FGF13: variants seen among roughly 807,000 people sequenced by gnomAD.
FGF13 encodes the protein fibroblast growth factor 13.
A neutral mutation model predicts 19.5 loss-of-function variants in FGF13; 2 were observed. The observed-to-expected ratio is 0.10, with a 90% CI of 0.04 to 0.32. FGF13 has a LOEUF of 0.32. FGF13 is among the 10% of genes least tolerant of loss of function. The pLI, the probability that FGF13 is intolerant of heterozygous loss-of-function variation, is 1.00. For missense variants in FGF13, 113 were observed against 192.7 expected (o/e 0.59, Z 2.45); for synonymous variants, 72 against 76.9 (o/e 0.94, Z 0.33).
intron 1 of FGF13, among the ~76,000 whole-genome samples, chrX:139,103,896 C>T (rs1427898684): frequency 9.0e-6 from 1 of 110,921 alleles, no homozygotes; most frequent in African/African-American, 3.3e-5. Context: ...CCTTCTAGAA[C>T]CTTAAACAGG....
At chrX:139,011,921 T>C (rs527793956) in intron 1 of FGF13, among the ~76,000 whole-genome samples, 2 of 111,257 alleles carry the variant, frequency 1.8e-5, no homozygotes, top group African/African-American at 6.5e-5. Context: ...GCTGATGATA[T>C]GATCGTATAC....
intron 1 of FGF13, among the ~76,000 whole-genome samples, chrX:139,044,230 C>T (rs2092279539): frequency 8.9e-6 from 1 of 112,029 alleles, no homozygotes; most frequent in Admixed American, 9.5e-5. Context: ...AACTGGCTCA[C>T]AGTTCTACAG....
At chrX:138,995,563 T>C (rs762448902) in intron 1 of FGF13, among the ~76,000 whole-genome samples, 2 of 112,381 alleles carry the variant, frequency 1.8e-5, no homozygotes, top group East Asian at 5.6e-4. Context: ...CATACAGTGT[T>C]TGGTTTTCTG....
intron 1 of FGF13, among the ~76,000 whole-genome samples, chrX:138,957,298 T>C (rs1186877186): frequency 8.9e-6 from 1 of 111,886 alleles, no homozygotes; most frequent in East Asian, 2.8e-4. Flanking sequence ...CAGAGAAGCT[T>C]GGCACAGCTG....
intron 1 of FGF13, among the ~76,000 whole-genome samples, chrX:139,088,178 G>A (rs2083416310): frequency 8.9e-6 from 1 of 112,034 alleles, no homozygotes; most frequent in South Asian, 3.7e-4. Flanking sequence ...GATACATTTG[G>A]AGCGAATGAT....
intron 1 of FGF13, among the ~76,000 whole-genome samples, chrX:138,999,598 A>C (rs2092062480): frequency 8.9e-6 from 1 of 112,212 alleles, no homozygotes; most frequent in African/African-American, 3.2e-5. Flanking sequence ...GAAATGGATA[A>C]ATTCCTGGAC....
At chrX:139,083,881 T>A (rs1370069608) in intron 1 of FGF13, among the ~76,000 whole-genome samples, 1 of 109,444 alleles carries the variant, frequency 9.1e-6, no homozygotes, top group Non-Finnish European at 1.9e-5. Flanking sequence ...AAAAAATAAA[T>A]AAATAAAAAA....
intron 1 of FGF13, among the ~76,000 whole-genome samples, chrX:139,079,817 G>A (rs73581291): frequency 0.043 from 4,745 of 110,994 alleles, 114 homozygotes; most frequent in East Asian, 0.14. Flanking sequence ...TCATACACTG[G>A]ATAAATTACC....
chrX:139,108,852 C>T (rs1403632662), intron 1 of FGF13, among the ~76,000 whole-genome samples: 1 of 103,983 alleles, frequency 9.6e-6, no homozygotes, highest in Non-Finnish European at 2.0e-5. Flanking sequence ...CCCCACCCCC[C>T]AACAGGCCCC....
intron 1 of FGF13, among the ~76,000 whole-genome samples, chrX:138,874,184 A>T (rs1250644139): frequency 2.0e-5 from 2 of 98,450 alleles, no homozygotes; most frequent in Non-Finnish European, 3.9e-5. Context: ...ATAAAGTAAA[A>T]TTAAAAAAAA....
At chrX:139,085,212 C>CA (rs1184344093) in intron 1 of FGF13, among the ~76,000 whole-genome samples, 1 of 111,126 alleles carries the variant, frequency 9.0e-6, no homozygotes, top group Non-Finnish European at 1.9e-5. Flanking sequence ...CTTTACAATT[C>CA]AAAAAAAGGA....
At chrX:139,064,696 T>G (rs954271222) in intron 1 of FGF13, among the ~76,000 whole-genome samples, 1 of 111,512 alleles carries the variant, frequency 9.0e-6, no homozygotes, top group African/African-American at 3.3e-5. Flanking sequence ...GTTCTCTGTA[T>G]TTCCTGAATT....
rs1482763943 is a variant in FGF13 at position 138,630,789 on chromosome X, G to A, written c.*2061C>T. 3 of 111,532 alleles carry A rather than the reference G, an allele frequency of 2.7e-5. No homozygotes were observed. Among genetic ancestry groups the A allele is most frequent in the African/African-American group, 9.8e-5 (3 of 30,759 alleles). 9.2% of individuals were successfully genotyped at this position (111,532 alleles called of 1,213,427 possible). ...ATACAGATGATCCTTCACTTACGAT[G>A]GGGGTCACATACCAATAAACCCATC... is the stretch of plus-strand genomic sequence containing the variant. On this transcript the variant is annotated 3_prime_UTR_variant, in exon 5 of 5. Coordinates refer to ENST00000315930, the MANE Select transcript of FGF13 (RefSeq NM_004114.5).
chrX:139,090,708 G>T (rs1408952456), intron 1 of FGF13, among the ~76,000 whole-genome samples: 1 of 110,503 alleles, frequency 9.0e-6, no homozygotes, highest in Non-Finnish European at 1.9e-5. Flanking sequence ...GGGAGGCTGG[G>T]GTGGGGCAGA....
chrX:138,925,140 G>C (rs764878323), intron 1 of FGF13, among the ~76,000 whole-genome samples: 1 of 112,017 alleles, frequency 8.9e-6, no homozygotes, highest in East Asian at 2.8e-4. Flanking sequence ...CAAGAAGTAT[G>C]CTTCATATAC....
intron 3 of FGF13, among the ~76,000 whole-genome samples, chrX:138,677,025 T>C (rs1310913663): frequency 8.9e-6 from 1 of 112,548 alleles, no homozygotes. Flanking sequence ...GTTGAGAATA[T>C]GATTCGTATT....
At chrX:138,699,045 C>T (rs2089922444) in intron 3 of FGF13, among the ~76,000 whole-genome samples, 1 of 111,730 alleles carries the variant, frequency 9.0e-6, no homozygotes, top group African/African-American at 3.3e-5. Context: ...AACAGTTGTT[C>T]CCACCCCTGT....
intron 3 of FGF13, among the ~76,000 whole-genome samples, chrX:138,811,059 T>C (rs929178152): frequency 1.8e-5 from 2 of 111,960 alleles, no homozygotes; most frequent in Non-Finnish European, 3.8e-5. Context: ...GATCTAGAAC[T>C]AGAAATACCA....
chrX:138,786,785 T>A (rs1390573003), intron 3 of FGF13, among the ~76,000 whole-genome samples: 1 of 112,170 alleles, frequency 8.9e-6, no homozygotes, highest in African/African-American at 3.2e-5. Flanking sequence ...GCACATAACC[T>A]TTCTGTGCCT....
Sources: gnomAD v4.1 joint callset for allele counts (sites outside exome capture counted in the v4.1 genomes callset) on GRCh38, gnomAD v4.1.1 for gene constraint, MANE v1.5 for transcripts, NCBI Gene and HGNC (gene_info 2026-07-23, HGNC 2026-07-21) for gene names.